IMMP2L: variants seen among roughly 807,000 people sequenced by gnomAD.
IMMP2L encodes the protein mitochondrial inner membrane protease subunit 2.
A neutral mutation model predicts 19.3 loss-of-function variants in IMMP2L; 18 were observed. The observed-to-expected ratio is 0.93, with a 90% confidence interval of 0.64 to 1.38. The LOEUF (loss-of-function observed/expected upper bound fraction) is 1.38, where lower values mean the gene tolerates loss of function less well. Ranked by LOEUF, IMMP2L falls within the 40% of genes most tolerant of loss-of-function variation. The pLI is 0.00. For synonymous variants in IMMP2L, 76 were observed against 73.0 expected (o/e 1.04, Z -0.21); for missense variants, 233 against 218.2 (o/e 1.07, Z -0.43).
intron 3 of IMMP2L, among the ~76,000 whole-genome samples, chr7:111,304,734 A>T (rs1286939872): frequency 6.8e-6 from 1 of 147,150 alleles, no homozygotes; most frequent in Non-Finnish European, 1.5e-5. Flanking sequence ...TCCTGTAAAG[A>T]GGAAATTAAA....
chr7:111,026,714 A>G (rs1432859642), intron 3 of IMMP2L, among the ~76,000 whole-genome samples: 1 of 152,188 alleles, frequency 6.6e-6, no homozygotes, highest in Non-Finnish European at 1.5e-5. Context: ...TTTTTATTAC[A>G]GAAAGCAACA....
intron 4 of IMMP2L, among the ~76,000 whole-genome samples, chr7:110,913,226 G>A (rs1468964337): frequency 6.6e-6 from 1 of 152,148 alleles, no homozygotes; most frequent in African/African-American, 2.4e-5. Flanking sequence ...CTGGACAATA[G>A]GTAAGAGGCT....
At chr7:111,193,864 G>A (rs1809172879) in intron 3 of IMMP2L, among the ~76,000 whole-genome samples, 1 of 151,956 alleles carries the variant, frequency 6.6e-6, no homozygotes, top group African/African-American at 2.4e-5. Flanking sequence ...CAGGCTATGG[G>A]TCAACTTCCC....
rs113263136 is a variant in IMMP2L at position 111,064,163 on chromosome 7, C to T, written c.240-100598G>A. The stretch of plus-strand genomic sequence containing the variant: ...GACAACACAATCACACGGCGGCAGA[C>T]GAGAAGAGAGCTTGTGCAGGGAAAC... On this transcript the variant is annotated intron_variant, in intron 3 of 5. Transcript: ENST00000405709. 5.3e-3 allele frequency among the ~76,000 whole-genome samples: 803 copies of T among 152,186 alleles called. 3 individuals are homozygous for T. Among genetic ancestry groups the T allele is most frequent in the Middle Eastern group, 0.017 (5 of 294 alleles).
chr7:110,935,590 G>A (rs1267476121), intron 4 of IMMP2L, among the ~76,000 whole-genome samples: 2 of 152,048 alleles, frequency 1.3e-5, no homozygotes, highest in East Asian at 3.9e-4. Flanking sequence ...CCTGAAGAGT[G>A]TTTTCCATCT....
chr7:111,281,216 AAAAG>A (rs1177782720), intron 3 of IMMP2L, among the ~76,000 whole-genome samples: 68 of 38,766 alleles, frequency 1.8e-3, no homozygotes, highest in Middle Eastern at 0.011. Flanking sequence ...GAAAGAAAGA[AAAAG>A]AAAGAAAGAA....
chr7:111,293,963 A>G (rs983187968), intron 3 of IMMP2L, among the ~76,000 whole-genome samples: 18 of 152,002 alleles, frequency 1.2e-4, no homozygotes, highest in Non-Finnish European at 4.4e-5. Flanking sequence ...TTATTTTAAT[A>G]GGATATTAAT....
At chr7:110,768,132 C>G (rs1798787946) in intron 5 of IMMP2L, among the ~76,000 whole-genome samples, 1 of 152,094 alleles carries the variant, frequency 6.6e-6, no homozygotes, top group South Asian at 2.1e-4. Flanking sequence ...CAGAAAGTGA[C>G]TTGGGATGCT....
chr7:110,900,646 TTCCCAAC>T (rs1440494181), intron 4 of IMMP2L, among the ~76,000 whole-genome samples: 4 of 152,196 alleles, frequency 2.6e-5, no homozygotes, highest in African/African-American at 9.6e-5. Flanking sequence ...GTATCTGAGA[TTCCCAAC>T]CTTAACATTA....
chr7:111,051,327 A>T (rs1585969586), intron 3 of IMMP2L, among the ~76,000 whole-genome samples: 1 of 152,084 alleles, frequency 6.6e-6, no homozygotes, highest in Admixed American at 6.5e-5. Context: ...ACCACTGAAT[A>T]TTTTCCCTGG....
chr7:111,111,818 C>A (rs559705394), intron 3 of IMMP2L, among the ~76,000 whole-genome samples: 1 of 150,176 alleles, frequency 6.7e-6, no homozygotes. Flanking sequence ...CCATCCTGGG[C>A]GACAAAAGGA....
At chr7:110,698,595 C>T (rs994634463) in intron 5 of IMMP2L, among the ~76,000 whole-genome samples, 40 of 152,114 alleles carry the variant, frequency 2.6e-4, no homozygotes, top group African/African-American at 9.7e-4. Flanking sequence ...GCCATAGAAA[C>T]TGACATATAA....
At chr7:110,970,575 A>G (rs1355873565) in intron 3 of IMMP2L, among the ~76,000 whole-genome samples, 1 of 152,130 alleles carries the variant, frequency 6.6e-6, no homozygotes, top group Non-Finnish European at 1.5e-5. Flanking sequence ...GAATATGCTT[A>G]AAGTTGAACA....
intron 4 of IMMP2L, among the ~76,000 whole-genome samples, chr7:110,952,598 T>G (rs189265052): frequency 1.3e-5 from 2 of 152,202 alleles, no homozygotes; most frequent in Non-Finnish European, 2.9e-5. Flanking sequence ...GGAAAGAAGT[T>G]TTGTCAAAAG....
chr7:111,266,839 A>G (rs962884028), intron 3 of IMMP2L, among the ~76,000 whole-genome samples: 11 of 152,180 alleles, frequency 7.2e-5, no homozygotes, highest in African/African-American at 2.2e-4. Flanking sequence ...TGCAATAGAC[A>G]TGCTTCCATT....
At chr7:111,270,972 T>C (rs550738606) in intron 3 of IMMP2L, among the ~76,000 whole-genome samples, 1 of 152,288 alleles carries the variant, frequency 6.6e-6, no homozygotes, top group South Asian at 2.1e-4. Context: ...TCCATTAACA[T>C]ACTGATATGG....
chr7:111,434,427 C>T (rs558759416), intron 3 of IMMP2L, among the ~76,000 whole-genome samples: 1 of 143,144 alleles, frequency 7.0e-6, no homozygotes, highest in South Asian at 2.1e-4. Context: ...GCAGAGTAAA[C>T]AGACAAACTA....
intron 3 of IMMP2L, among the ~76,000 whole-genome samples, chr7:111,345,210 A>G (rs1475248090): frequency 1.3e-5 from 2 of 152,112 alleles, no homozygotes; most frequent in East Asian, 3.9e-4. Context: ...ATATTACTAA[A>G]TGTGTAATAT....
intron 3 of IMMP2L, among the ~76,000 whole-genome samples, chr7:110,976,882 A>G (rs1585548847): frequency 1.3e-5 from 2 of 152,166 alleles, no homozygotes; most frequent in East Asian, 3.9e-4. Context: ...ACTGATTTTA[A>G]AACATGTACA....
Sources: allele counts gnomAD v4.1 joint callset (sites outside exome capture counted in the v4.1 genomes callset), GRCh38; gene constraint gnomAD v4.1.1; transcripts MANE v1.5; gene names NCBI Gene and HGNC (gene_info 2026-07-23, HGNC 2026-07-21).